The following CUL1 variants were observed in gnomAD, a reference collection of about 807,000 sequenced individuals.
CUL1 encodes cullin-1.
In CUL1, 24 loss-of-function variants were observed where a neutral mutation model predicts 118.0. That is an observed-to-expected ratio of 0.20 (90% confidence interval 0.15 to 0.29). The LOEUF (loss-of-function observed/expected upper bound fraction) is 0.29. CUL1 is among the 10% of genes least tolerant of loss of function. The pLI is 1.00. For missense variants in CUL1, 361 were observed against 933.8 expected (o/e 0.39, Z 7.99); for synonymous variants, 332 against 340.4 (o/e 0.98, Z 0.27).
chr7:148,729,892 C>G (rs927285473), intron 1 of CUL1, 70 bp from the exon 2 acceptor site: 4 of 445,312 alleles, frequency 9.0e-6, no homozygotes, highest in African/African-American at 4.0e-5. Context: ...CTGAGTTTTT[C>G]TGTCAGTGTG....
intron 1 of CUL1, among the ~76,000 whole-genome samples, chr7:148,718,076 T>G (rs914914542): frequency 2.0e-5 from 3 of 152,218 alleles, no homozygotes; most frequent in African/African-American, 7.2e-5. Context: ...ATACTGCTTT[T>G]AGCGCTGATA....
At position 148,768,378 on chromosome 7, in the gene CUL1, C is replaced by CTT. The variant is rs10595637; in HGVS notation, c.1083+652_1083+653dup. ...GGGAGAACAATAGAGAAGAAAAGCT[C>CTT]TTTTTTTTTTTTTTTTTTTTTTTTG... On this transcript the variant is annotated intron_variant, in intron 9 of 21. Transcript: ENST00000325222. Among the ~76,000 whole-genome samples, 51 of 94,876 alleles carry CTT rather than the reference C, an allele frequency of 5.4e-4. 1 individual carries two copies. The highest frequency in any genetic ancestry group is 8.4e-4 in the Non-Finnish European group (41 of 49,010). The allele number at this position is 94,876 out of a possible 152,430, so 62.2% of individuals were successfully genotyped here. A position where few individuals can be genotyped will look rare whatever the true frequency, so the allele number is the denominator to read the frequency against.
chr7:148,726,258 G>A (rs1330292865), intron 1 of CUL1, among the ~76,000 whole-genome samples: 1 of 152,116 alleles, frequency 6.6e-6, no homozygotes, highest in Non-Finnish European at 1.5e-5. Flanking sequence ...GTGTTATGGA[G>A]AAAAATCCAC....
chr7:148,798,441 C>G, intron 19 of CUL1, 131 bp from the exon 20 acceptor site: 1 of 661,504 alleles, frequency 1.5e-6, no homozygotes. Context: ...TCACGGAGAG[C>G]TCACAGAAAT....
chr7:148,708,433 T>C (rs1001504194), intron 1 of CUL1, among the ~76,000 whole-genome samples: 1 of 152,252 alleles, frequency 6.6e-6, no homozygotes, highest in Non-Finnish European at 1.5e-5. Flanking sequence ...CACTATGTGT[T>C]TATACCTTCC....
intron 1 of CUL1, among the ~76,000 whole-genome samples, chr7:148,708,214 C>T (rs144489556): frequency 6.6e-6 from 1 of 152,198 alleles, no homozygotes; most frequent in Non-Finnish European, 1.5e-5. Flanking sequence ...CCTTGCAGTC[C>T]TGCTAATAGC....
chr7:148,776,307 CT>C (rs746777462), intron 9 of CUL1, among the ~76,000 whole-genome samples: 61 of 40,674 alleles, frequency 1.5e-3, no homozygotes, highest in African/African-American at 4.0e-3. Flanking sequence ...CATAACCAGG[CT>C]TTTTTTTTTT....
rs147931097 is a variant in CUL1 at position 148,779,024 on chromosome 7, A to G, written c.1084-4759A>G. ...ACTGATCCCCAGAAATTGTGTGTAA[A>G]TATATACCAGCTCTCCATGAGATGA... On this transcript the variant is annotated intron_variant, in intron 9 of 21. Transcript: ENST00000325222. 5.0e-3 allele frequency among the ~76,000 whole-genome samples: 755 copies of G among 152,296 alleles called. 2 individuals are homozygous for G. Among genetic ancestry groups the G allele is most frequent in the African/African-American group, 0.017 (708 of 41,552 alleles).
At chr7:148,735,729 A>G (rs1001211011) in intron 2 of CUL1, among the ~76,000 whole-genome samples, 7 of 152,186 alleles carry the variant, frequency 4.6e-5, no homozygotes, top group Non-Finnish European at 8.8e-5. Flanking sequence ...GAAAGTTTTC[A>G]TATTTTTCAG....
intron 2 of CUL1, among the ~76,000 whole-genome samples, chr7:148,733,950 A>AG (rs1203067171): frequency 6.6e-6 from 1 of 151,956 alleles, no homozygotes; most frequent in Non-Finnish European, 1.5e-5. Flanking sequence ...TGTAGCAGAG[A>AG]GGTGGGTTAT....
chr7:148,720,062 G>T (rs958019745), intron 1 of CUL1, among the ~76,000 whole-genome samples: 1 of 152,216 alleles, frequency 6.6e-6, no homozygotes, highest in Non-Finnish European at 1.5e-5. Context: ...AGAGTCTAGC[G>T]TAGCAGCTAC....
chr7:148,792,916 A>G, intron 17 of CUL1, 98 bp downstream of exon 17: 2 of 777,198 alleles, frequency 2.6e-6, no homozygotes, highest in Non-Finnish European at 4.2e-6. Context: ...GGGCATCTTT[A>G]ATTTGAAATA....
rs112568389 is a variant in CUL1 at position 148,742,350 on chromosome 7, T to C, written c.141-11626T>C. 4.5e-4 allele frequency among the ~76,000 whole-genome samples: 69 copies of C among 152,310 alleles called. 1 individual carries two copies. The Middle Eastern group carries it at 0.01, about 23-fold the overall frequency. On this transcript the variant is annotated intron_variant, in intron 2 of 21. Coordinates refer to ENST00000325222, the MANE Select transcript of CUL1 (RefSeq NM_003592.3). ...AGCAAAGTCATGTCTTACATGGCAG[T>C]AGGCAAGAGAGCTTATGCAGGGAAA...
intron 7 of CUL1, 26 bp from the exon 8 acceptor site, chr7:148,766,535 C>G (rs1253543708): frequency 6.4e-7 from 1 of 1,572,284 alleles, no homozygotes; most frequent in Non-Finnish European, 8.6e-7. Flanking sequence ...GAATCAAAAC[C>G]ATTCACTTGA....
Position 148,754,070 on chromosome 7 carries a change from G to T in CUL1, c.235G>T (p.Gly79Ter). 1 of 1,613,870 alleles carries T rather than the reference G, an allele frequency of 6.2e-7. No individual in the cohort carries two copies. Among genetic ancestry groups the T allele is most frequent in the Non-Finnish European group, 8.5e-7 (1 of 1,179,858 alleles). Residue 79 changes from glycine to a stop codon, truncating the protein, a stop_gained, in exon 3 of 22, where the codon GGA (glycine) becomes TGA (stop). Coordinates refer to ENST00000325222, the MANE Select transcript of CUL1 (RefSeq NM_003592.3). LOFTEE classifies it high-confidence loss of function. ...TAAGTCGAAAAAGGGGCAGACACCT[G>T]GAGGAGCTCAGTTTGTTGGCCTGGA... ...PSKSKKGQTP[G>*]GAQFVGLELY...
At chr7:148,785,706 G>A (rs934379029) in intron 11 of CUL1, among the ~76,000 whole-genome samples, 1 of 151,734 alleles carries the variant, frequency 6.6e-6, no homozygotes, top group Non-Finnish European at 1.5e-5. Context: ...AATGTCCCTC[G>A]TCAAGTCTAC....
intron 9 of CUL1, among the ~76,000 whole-genome samples, chr7:148,770,583 G>A (rs933479478): frequency 3.3e-5 from 5 of 152,110 alleles, no homozygotes; most frequent in African/African-American, 9.7e-5. Flanking sequence ...TAAACTTGCC[G>A]TTTGGCTCCT....
chr7:148,788,574 G>A lies in CUL1; in HGVS notation c.1497G>A (p.Glu499=), dbSNP rs1251406783. 2 of 1,613,434 alleles carry A rather than the reference G, an allele frequency of 1.2e-6. No individual in the cohort carries two copies. Among genetic ancestry groups the A allele is most frequent in the African/African-American group, 1.3e-5 (1 of 74,916 alleles). Residue 499 remains glutamate, a synonymous_variant, in exon 14 of 22, where the codon GAG becomes GAA. Coordinates refer to ENST00000325222, the MANE Select transcript of CUL1 (RefSeq NM_003592.3). ...CTTCTCAGCAAGCTTGCGGGTTCGA[G>A]TACACCTCTAAACTTCAGCGCATGT... ...ISKLKQACGF[E]YTSKLQRMFQ...
At chr7:148,701,236 C>G (rs993908402) in intron 1 of CUL1, among the ~76,000 whole-genome samples, 2 of 152,064 alleles carry the variant, frequency 1.3e-5, no homozygotes, top group African/African-American at 2.4e-5. Context: ...AAAACACAGT[C>G]GTTGTGCTTA....
Sources: gnomAD v4.1 joint callset for allele counts (sites outside exome capture counted in the v4.1 genomes callset) on GRCh38, gnomAD v4.1.1 for gene constraint, MANE v1.5 for transcripts, NCBI Gene and HGNC (gene_info 2026-07-23, HGNC 2026-07-21) for gene names.